The following DOP1B variants were observed in gnomAD, a reference collection of about 807,000 sequenced individuals.
The protein encoded by DOP1B is DOP1 leucine zipper like protein B, also known as protein DOP1B.
A neutral mutation model predicts 233.5 loss-of-function variants in DOP1B; 174 were observed. The observed-to-expected ratio is 0.75, with a 90% CI of 0.66 to 0.85. The LOEUF is 0.85. Ranked by LOEUF, DOP1B falls within the 40% of genes least tolerant of loss-of-function variation. The pLI, the probability that DOP1B is intolerant of heterozygous loss-of-function variation, is 0.00. For missense variants in DOP1B, 2,652 were observed against 2,846.6 expected (o/e 0.93, Z 1.56); for synonymous variants, 1,190 against 1,185.6 (o/e 1.00, Z -0.08).
chr21:36,198,935 C>G, intron 2 of DOP1B, 135 bp from the exon 3 acceptor site: 1 of 894,324 alleles, frequency 1.1e-6, no homozygotes, highest in Non-Finnish European at 1.7e-6. Flanking sequence ...GTCCCTCTGC[C>G]CCTTTGTTGT....
chr21:36,207,091 C>G (rs1232104870), intron 4 of DOP1B, among the ~76,000 whole-genome samples: 1 of 152,002 alleles, frequency 6.6e-6, no homozygotes, highest in Non-Finnish European at 1.5e-5. Flanking sequence ...GGGGCTGTGA[C>G]AGCAAACAGA....
intron 21 of DOP1B, 103 bp downstream of exon 21, chr21:36,248,671 A>AGGCAATTTTCATGTATTGTTTTGTCTT: frequency 8.8e-7 from 1 of 1,141,812 alleles, no homozygotes. Flanking sequence ...GATGTGCTCA[A>AGGCAATTTTCATGTATTGTTTTGTCTT]TGAAACCCAA....
intron 18 of DOP1B, among the ~76,000 whole-genome samples, chr21:36,242,354 A>G (rs1310826155): frequency 2.0e-5 from 3 of 151,898 alleles, no homozygotes; most frequent in Non-Finnish European, 2.9e-5. Flanking sequence ...TTGTATTTTT[A>G]GTGGAGACGG....
chr21:36,224,916 T>C (rs151019659), intron 11 of DOP1B, among the ~76,000 whole-genome samples: 23 of 152,120 alleles, frequency 1.5e-4, no homozygotes, highest in Non-Finnish European at 2.8e-4. Flanking sequence ...CCATGTGGAC[T>C]GTGGTGTTCT....
intron 2 of DOP1B, among the ~76,000 whole-genome samples, chr21:36,190,104 G>A (rs923941866): frequency 6.8e-6 from 1 of 147,274 alleles, no homozygotes; most frequent in Admixed American, 6.9e-5. Flanking sequence ...GATTGCCTGA[G>A]GTCAGGAATT....
chr21:36,182,010 T>C (rs1601389049), intron 2 of DOP1B, among the ~76,000 whole-genome samples: 1 of 152,270 alleles, frequency 6.6e-6, no homozygotes, highest in African/African-American at 2.4e-5. Context: ...AGTATTGAAT[T>C]GCTTTTTACC....
At chr21:36,167,638 C>G (rs928329974) in intron 2 of DOP1B, among the ~76,000 whole-genome samples, 15 of 152,174 alleles carry the variant, frequency 9.9e-5, no homozygotes, top group African/African-American at 3.6e-4. Context: ...GTAACCCTTA[C>G]TATCTAGTTC....
At chr21:36,183,823 C>T (rs2066130503) in intron 2 of DOP1B, among the ~76,000 whole-genome samples, 1 of 151,856 alleles carries the variant, frequency 6.6e-6, no homozygotes, top group Non-Finnish European at 1.5e-5. Context: ...CTGGAGATAG[C>T]CCAGCTTTCA....
chr21:36,238,417 G>A (rs2066851683), intron 16 of DOP1B, among the ~76,000 whole-genome samples, 184 bp from the exon 17 acceptor site: 1 of 152,228 alleles, frequency 6.6e-6, no homozygotes, highest in African/African-American at 2.4e-5. Context: ...ATCAGAGAGA[G>A]AGGATGCAGG....
At chr21:36,268,084 C>T (rs756859809) in intron 26 of DOP1B, among the ~76,000 whole-genome samples, 2 of 152,080 alleles carry the variant, frequency 1.3e-5, no homozygotes, top group Non-Finnish European at 2.9e-5. Flanking sequence ...AGCAGAGAAC[C>T]GGTCTGACCA....
chr21:36,240,453 C>G (rs1394516874), intron 18 of DOP1B, among the ~76,000 whole-genome samples: 2 of 152,140 alleles, frequency 1.3e-5, no homozygotes, highest in African/African-American at 4.8e-5. Flanking sequence ...GCACTCCAGC[C>G]TGGGTGACAG....
At chr21:36,218,220 A>T (rs2066582987) in intron 9 of DOP1B, among the ~76,000 whole-genome samples, 1 of 152,174 alleles carries the variant, frequency 6.6e-6, no homozygotes, top group South Asian at 2.1e-4. Flanking sequence ...TAGCATTCTT[A>T]TGCTGTAGAT....
intron 8 of DOP1B, 43 bp downstream of exon 8, chr21:36,214,233 G>T: frequency 6.6e-7 from 1 of 1,517,730 alleles, no homozygotes; most frequent in Non-Finnish European, 9.1e-7. Context: ...CCTTGGTGAC[G>T]ATTCTCCAGT....
intron 26 of DOP1B, among the ~76,000 whole-genome samples, chr21:36,265,736 C>G (rs1272667625): frequency 1.3e-5 from 2 of 152,206 alleles, no homozygotes; most frequent in Non-Finnish European, 2.9e-5. Context: ...CTCCCCGCCA[C>G]TAATTCCTTC....
chr21:36,244,347 C>T (rs985222447), intron 18 of DOP1B, among the ~76,000 whole-genome samples: 3 of 152,062 alleles, frequency 2.0e-5, no homozygotes, highest in African/African-American at 7.2e-5. Context: ...TGTCTTTATA[C>T]ACATGTGACA....
At chr21:36,197,321 T>C (rs373559679) in intron 2 of DOP1B, among the ~76,000 whole-genome samples, 7 of 152,326 alleles carry the variant, frequency 4.6e-5, no homozygotes, top group African/African-American at 1.2e-4. Context: ...CTTGTTTTCC[T>C]TGTCTTCCTT....
chr21:36,283,445 A>G (rs1207870242), intron 32 of DOP1B, among the ~76,000 whole-genome samples: 1 of 152,220 alleles, frequency 6.6e-6, no homozygotes, highest in Non-Finnish European at 1.5e-5. Flanking sequence ...GATAACTTAC[A>G]TATGCAATAA....
At chr21:36,237,508 T>TCTGGGGCTGAGTGGACATCGTGATTA (rs1263659399) in intron 16 of DOP1B, 94 bp downstream of exon 16, 5 of 1,501,380 alleles carry the variant, frequency 3.3e-6, no homozygotes, top group Non-Finnish European at 4.5e-6. Flanking sequence ...TCGAAGTCTT[T>TCTGGGGCTGAGTGGACATCGTGATTA]CTGGGGCTGA....
chr21:36,279,433 C>CAGAAAGAA (rs1002369974), intron 30 of DOP1B, among the ~76,000 whole-genome samples: 6 of 152,046 alleles, frequency 3.9e-5, no homozygotes, highest in African/African-American at 1.4e-4. Context: ...TCAAAATAAC[C>CAGAAAGAA]AGAAAGAAAG....
Sources: allele counts gnomAD v4.1 joint callset (sites outside exome capture counted in the v4.1 genomes callset), GRCh38; gene constraint gnomAD v4.1.1; transcripts MANE v1.5; gene names NCBI Gene and HGNC (gene_info 2026-07-23, HGNC 2026-07-21).